PPP1R12B: variants seen among roughly 807,000 people sequenced by gnomAD.
PPP1R12B encodes the protein protein phosphatase 1 regulatory subunit 12B.
PPP1R12B carries 76 observed loss-of-function variants against 126.1 expected under a neutral mutation model. That is an observed-to-expected ratio of 0.60 (90% CI 0.50 to 0.73). The LOEUF (loss-of-function observed/expected upper bound fraction) is 0.73. Among genes scored for constraint, PPP1R12B ranks in the 30% least tolerant of loss-of-function variants. PPP1R12B has a pLI of 0.00. For missense variants in PPP1R12B, 1,052 were observed against 1,205.1 expected (o/e 0.87, Z 1.88); for synonymous variants, 356 against 434.7 (o/e 0.82, Z 2.25).
At chr1:202,457,024 A>C (rs1429413558) in intron 13 of PPP1R12B, among the ~76,000 whole-genome samples, 1 of 152,262 alleles carries the variant, frequency 6.6e-6, no homozygotes, top group Non-Finnish European at 1.5e-5. Context: ...TATTATTGGA[A>C]TAGGTAACAA....
chr1:202,533,593 A>G (rs1684232510), intron 18 of PPP1R12B, among the ~76,000 whole-genome samples: 1 of 152,178 alleles, frequency 6.6e-6, no homozygotes, highest in Admixed American at 6.5e-5. Context: ...TGCTGAGATT[A>G]CGGGCATGAG....
intron 9 of PPP1R12B, among the ~76,000 whole-genome samples, chr1:202,436,600 C>T (rs1036681632): frequency 6.6e-6 from 1 of 152,188 alleles, no homozygotes; most frequent in Non-Finnish European, 1.5e-5. Context: ...GTTCCAGAGA[C>T]TAGCTGTACC....
intron 23 of PPP1R12B, chr1:202,574,880 A>G: frequency 9.0e-6 from 9 of 1,000,634 alleles, no homozygotes; most frequent in Non-Finnish European, 1.3e-5. Context: ...CCTTTCTTGC[A>G]TGCAAACTAA....
chr1:202,399,668 T>C (rs1665528591), intron 1 of PPP1R12B, among the ~76,000 whole-genome samples: 1 of 152,000 alleles, frequency 6.6e-6, no homozygotes, highest in Non-Finnish European at 1.5e-5. Context: ...GGCTAATTTT[T>C]TGTGTTTTTA....
At chr1:202,493,033 CT>C in intron 14 of PPP1R12B, 80 bp from the exon 15 acceptor site, 1 of 1,452,750 alleles carries the variant, frequency 6.9e-7, no homozygotes, top group Non-Finnish European at 9.5e-7. Flanking sequence ...ACTATTAGGT[CT>C]TTTTGGGAAT....
At chr1:202,359,699 G>A (rs1038503369) in intron 1 of PPP1R12B, among the ~76,000 whole-genome samples, 3 of 149,498 alleles carry the variant, frequency 2.0e-5, no homozygotes, top group African/African-American at 7.4e-5. Context: ...GGTGGGGGGC[G>A]GTGCTAAGGC....
intron 13 of PPP1R12B, among the ~76,000 whole-genome samples, chr1:202,481,372 G>T (rs964895807): frequency 3.9e-5 from 6 of 152,128 alleles, no homozygotes; most frequent in Non-Finnish European, 8.8e-5. Flanking sequence ...CTATGTATTT[G>T]TGCAAGACTA....
chr1:202,411,592 GTTT>G (rs1025231634), intron 1 of PPP1R12B, among the ~76,000 whole-genome samples: 1 of 143,608 alleles, frequency 7.0e-6, no homozygotes, highest in Non-Finnish European at 1.5e-5. Context: ...AGTACTTTTT[GTTT>G]TTTTTTTTTC....
intron 1 of PPP1R12B, among the ~76,000 whole-genome samples, chr1:202,359,524 A>G (rs1657765810): frequency 6.6e-6 from 1 of 151,738 alleles, no homozygotes; most frequent in South Asian, 2.1e-4. Context: ...GCTCATGCCT[A>G]TAATCCTAGC....
intron 18 of PPP1R12B, among the ~76,000 whole-genome samples, chr1:202,535,808 T>C (rs1317867820): frequency 6.6e-6 from 1 of 152,234 alleles, no homozygotes; most frequent in Non-Finnish European, 1.5e-5. Flanking sequence ...GGAATTAATA[T>C]CTTTTCAGTC....
chr1:202,541,388 A>G (rs1685118071), intron 18 of PPP1R12B, among the ~76,000 whole-genome samples: 1 of 152,206 alleles, frequency 6.6e-6, no homozygotes, highest in Admixed American at 6.5e-5. Flanking sequence ...TTTATTCACA[A>G]GTTTTTGTGA....
At chr1:202,516,869 CAT>C (rs1482493787) in intron 18 of PPP1R12B, among the ~76,000 whole-genome samples, 1 of 152,160 alleles carries the variant, frequency 6.6e-6, no homozygotes, top group African/African-American at 2.4e-5. Context: ...GCATTTTCCA[CAT>C]GTTATGCTAA....
intron 7 of PPP1R12B, 101 bp from the exon 8 acceptor site, chr1:202,431,379 G>A: frequency 1.1e-6 from 1 of 948,072 alleles, no homozygotes; most frequent in Non-Finnish European, 1.5e-6. Flanking sequence ...ATTTGAATAT[G>A]TTTCTGTTAT....
chr1:202,569,779 C>T (rs1688418130), intron 23 of PPP1R12B, among the ~76,000 whole-genome samples: 1 of 152,232 alleles, frequency 6.6e-6, no homozygotes, highest in Non-Finnish European at 1.5e-5. Flanking sequence ...ACCAGATACA[C>T]TTCACAGCTC....
intron 23 of PPP1R12B, among the ~76,000 whole-genome samples, chr1:202,571,234 G>C (rs1272168733): frequency 6.6e-6 from 1 of 152,064 alleles, no homozygotes. Flanking sequence ...TTTTTTCTCT[G>C]TCTCTTTATG....
chr1:202,495,544 T>G, intron 16 of PPP1R12B, 26 bp from the exon 17 acceptor site: 1 of 1,612,188 alleles, frequency 6.2e-7, no homozygotes, highest in Non-Finnish European at 8.5e-7. Context: ...TTCTTAAAGT[T>G]CATACTTTAT....
At chr1:202,446,256 A>ATATATATATATTTTT (rs376183502) in intron 12 of PPP1R12B, among the ~76,000 whole-genome samples, 4 of 54,342 alleles carry the variant, frequency 7.4e-5, no homozygotes, top group Non-Finnish European at 1.3e-4. Flanking sequence ...ATATATATAT[A>ATATATATATATTTTT]TTTTTTTTTT....
At chr1:202,563,284 A>G (rs1027722521) in intron 20 of PPP1R12B, among the ~76,000 whole-genome samples, 1 of 152,018 alleles carries the variant, frequency 6.6e-6, no homozygotes, top group Admixed American at 6.6e-5. Context: ...ACACGGCTAC[A>G]TTTTTTATTT....
chr1:202,348,738 G>A lies in PPP1R12B; in HGVS notation c.-114G>A. On this transcript the variant is annotated 5_prime_UTR_variant, in exon 1 of 24. Coordinates refer to ENST00000608999, the MANE Select transcript of PPP1R12B (RefSeq NM_002481.4). ...GAGGAGTAAAGATGGCGGCGCGAGG[G>A]TCTCCGCCCTCTGCTCCGGGCTGAA... The A allele has an allele frequency of 7.4e-7, 1 of 1,342,908 alleles. No homozygotes were observed. Among genetic ancestry groups the A allele is most frequent in the Non-Finnish European group, 1.0e-6 (1 of 1,004,228 alleles). 83.2% of individuals were successfully genotyped at this position (1,342,908 alleles called of 1,614,324 possible). A position where few individuals can be genotyped will look rare whatever the true frequency, so the allele number is the denominator to read the frequency against.
Sources: gnomAD v4.1 joint callset for allele counts (sites outside exome capture counted in the v4.1 genomes callset) on GRCh38, gnomAD v4.1.1 for gene constraint, MANE v1.5 for transcripts, NCBI Gene and HGNC (gene_info 2026-07-23, HGNC 2026-07-21) for gene names.